The following ARMH3 variants were observed in gnomAD, a reference collection of about 807,000 sequenced individuals.
ARMH3 encodes the protein armadillo like helical domain containing 3.
A neutral mutation model predicts 99.1 loss-of-function variants in ARMH3; 60 were observed. That is an observed-to-expected ratio of 0.61 (90% CI 0.49 to 0.75). The LOEUF is 0.75. Among genes scored for constraint, ARMH3 ranks in the 30% least tolerant of loss-of-function variants. The pLI is 0.00. For missense variants in ARMH3, 679 were observed against 843.1 expected (o/e 0.81, Z 2.41); for synonymous variants, 285 against 292.8 (o/e 0.97, Z 0.27).
chr10:101,865,189 C>G (rs1030242928), intron 24 of ARMH3, among the ~76,000 whole-genome samples: 1 of 149,022 alleles, frequency 6.7e-6, no homozygotes, highest in African/African-American at 2.5e-5. Flanking sequence ...GCACTCCAGC[C>G]TGGGCGACAG....
At chr10:101,864,531 G>T (rs867553525) in intron 24 of ARMH3, among the ~76,000 whole-genome samples, 12 of 152,156 alleles carry the variant, frequency 7.9e-5, no homozygotes, top group African/African-American at 2.9e-4. Flanking sequence ...AAGAAAATGT[G>T]GCACATATAC....
Position 101,903,662 on chromosome 10 carries a change from C to A in ARMH3, c.1782-14172G>T, listed in dbSNP as rs191973867. 5.0e-4 allele frequency among the ~76,000 whole-genome samples: 76 copies of A among 152,302 alleles called. 1 individual carries two copies. Among genetic ancestry groups the A allele is most frequent in the South Asian group, 1.4e-3 (7 of 4,828 alleles). ...GACTGATACCGAACTTTTACTAAAT[C>A]AAACAAAAGAAACCTTACTAGTTAA... On this transcript the variant is annotated intron_variant, in intron 23 of 25. Coordinates refer to ENST00000370033, the MANE Select transcript of ARMH3 (RefSeq NM_024541.3).
At chr10:102,035,529 G>C (rs941280127) in intron 2 of ARMH3, among the ~76,000 whole-genome samples, 6 of 152,202 alleles carry the variant, frequency 3.9e-5, no homozygotes, top group East Asian at 1.9e-4. Context: ...TCAGCCTGCG[G>C]AGTGCCTGCG....
At chr10:102,038,500 G>A (rs2067332878) in intron 2 of ARMH3, among the ~76,000 whole-genome samples, 1 of 152,118 alleles carries the variant, frequency 6.6e-6, no homozygotes, top group African/African-American at 2.4e-5. Context: ...TCCAAGGCTT[G>A]CCAAAGTTAG....
chr10:102,038,330 G>A (rs185559389), intron 2 of ARMH3, among the ~76,000 whole-genome samples: 98 of 152,052 alleles, frequency 6.4e-4, no homozygotes, highest in South Asian at 2.7e-3. Flanking sequence ...TCCTGACCTC[G>A]TGATCCGCCC....
intron 15 of ARMH3, among the ~76,000 whole-genome samples, chr10:102,001,654 A>C (rs1213315999): frequency 6.6e-6 from 1 of 152,154 alleles, no homozygotes; most frequent in Non-Finnish European, 1.5e-5. Context: ...AAGCGTGCTA[A>C]TCCCTCCACT....
chr10:101,871,937 T>G (rs1460292295), intron 24 of ARMH3, among the ~76,000 whole-genome samples: 1 of 151,794 alleles, frequency 6.6e-6, no homozygotes, highest in African/African-American at 2.4e-5. Flanking sequence ...GAGGCAGAGG[T>G]TGCAGTGAGC....
intron 10 of ARMH3, among the ~76,000 whole-genome samples, chr10:102,012,115 A>T (rs574902045): frequency 6.6e-6 from 1 of 152,216 alleles, no homozygotes; most frequent in Non-Finnish European, 1.5e-5. Context: ...TTAGGGCTAC[A>T]ACACTGAAAA....
chr10:102,042,437 T>C (rs1183570583), intron 1 of ARMH3, among the ~76,000 whole-genome samples: 2 of 152,250 alleles, frequency 1.3e-5, no homozygotes, highest in Admixed American at 1.3e-4. Context: ...ATCAATACTT[T>C]CTAATAAGCA....
chr10:101,894,959 G>GA (rs1406883748), intron 23 of ARMH3, among the ~76,000 whole-genome samples: 1 of 151,790 alleles, frequency 6.6e-6, no homozygotes, highest in Non-Finnish European at 1.5e-5. Context: ...CATAAGCCAG[G>GA]AAGACAGCTC....
intron 8 of ARMH3, among the ~76,000 whole-genome samples, chr10:102,022,847 T>G (rs536327809): frequency 6.7e-6 from 1 of 149,618 alleles, no homozygotes; most frequent in East Asian, 2.1e-4. Context: ...CCCAAAGTGC[T>G]GGGATTACAG....
intron 1 of ARMH3, among the ~76,000 whole-genome samples, chr10:102,041,110 T>TAATATATATATAATATATATATA (rs1331405172): frequency 7.1e-6 from 1 of 140,708 alleles, no homozygotes; most frequent in Non-Finnish European, 1.6e-5. Flanking sequence ...TATATATATA[T>TAATATATATATAATATATATATA]ATGTAGGTAA....
At chr10:101,898,080 A>G (rs1032995329) in intron 23 of ARMH3, among the ~76,000 whole-genome samples, 4 of 152,166 alleles carry the variant, frequency 2.6e-5, no homozygotes. Flanking sequence ...TAGGCAATAT[A>G]GCTTAAGAGA....
intron 19 of ARMH3, among the ~76,000 whole-genome samples, chr10:101,978,442 A>G (rs1273656261): frequency 6.6e-6 from 1 of 152,222 alleles, no homozygotes; most frequent in Non-Finnish European, 1.5e-5. Flanking sequence ...GAGTTTCTCA[A>G]AATGTTAGAT....
intron 8 of ARMH3, among the ~76,000 whole-genome samples, chr10:102,018,992 T>C (rs1366684471): frequency 6.6e-6 from 1 of 152,136 alleles, no homozygotes; most frequent in Admixed American, 6.5e-5. Context: ...TCATGTATAG[T>C]ACCTACTACT....
At chr10:101,914,692 C>T (rs1416606201) in intron 23 of ARMH3, among the ~76,000 whole-genome samples, 42 of 150,314 alleles carry the variant, frequency 2.8e-4, no homozygotes, top group Non-Finnish European at 4.7e-4. Context: ...ATGGTGAAAC[C>T]CCGTCTCTAC....
At position 101,940,649 on chromosome 10, in the gene ARMH3, T is replaced by C. The variant is rs192853967; in HGVS notation, c.1706-711A>G. Among the ~76,000 whole-genome samples, 8 of 152,208 alleles carry C rather than the reference T, an allele frequency of 5.3e-5. No homozygotes were observed. In the East Asian group the frequency reaches 1.4e-3, roughly 26 times the overall value. ...CCGGTGTGTGATGTTCCCCACCCTGTGTCGAAGTGTTCTCATTTTTCAATT... is the reference window on the plus strand; with the variant it reads ...CCGGTGTGTGATGTTCCCCACCCTGCGTCGAAGTGTTCTCATTTTTCAATT... On this transcript the variant is annotated intron_variant, in intron 22 of 25. Coordinates refer to ENST00000370033, the MANE Select transcript of ARMH3 (RefSeq NM_024541.3).
intron 23 of ARMH3, among the ~76,000 whole-genome samples, chr10:101,931,981 T>C (rs1843741502): frequency 6.6e-6 from 1 of 152,192 alleles, no homozygotes; most frequent in Non-Finnish European, 1.5e-5. Context: ...ACCCATGGAA[T>C]GGGAGAAAAT....
chr10:101,890,405 G>A (rs888083549), intron 23 of ARMH3, among the ~76,000 whole-genome samples: 10 of 152,030 alleles, frequency 6.6e-5, no homozygotes, highest in South Asian at 4.1e-4. Flanking sequence ...CAGCATGCCC[G>A]GCTAATTATT....
Sources: gnomAD v4.1 joint callset for allele counts (sites outside exome capture counted in the v4.1 genomes callset) on GRCh38, gnomAD v4.1.1 for gene constraint, MANE v1.5 for transcripts, NCBI Gene and HGNC (gene_info 2026-07-23, HGNC 2026-07-21) for gene names.